Variants in BMAL1 observed in about 807,000 individuals in gnomAD.
The protein encoded by BMAL1 is basic helix-loop-helix ARNT like 1, also known as basic helix-loop-helix ARNT-like protein 1.
the BMAL1 span, chr11:13,374,115 A>T: frequency 6.2e-7 from 1 of 1,613,660 alleles, no homozygotes; most frequent in African/African-American, 1.3e-5. Context: ...ATTTTGGCAT[A>T]TTTACCACAA....
the BMAL1 span, among the ~76,000 whole-genome samples, chr11:13,351,519 G>A: frequency 6.6e-6 from 1 of 152,198 alleles, no homozygotes; most frequent in Non-Finnish European, 1.5e-5. Context: ...TTTGGGAATT[G>A]TTGCAGTGTT....
At chr11:13,360,321 A>G in the BMAL1 span, 22 of 1,596,184 alleles carry the variant, frequency 1.4e-5, no homozygotes, top group East Asian at 4.5e-5. Context: ...AAGTATACCA[A>G]TTCTTTCTCT....
the BMAL1 span, among the ~76,000 whole-genome samples, chr11:13,348,566 T>C: frequency 6.6e-6 from 1 of 151,970 alleles, no homozygotes. Flanking sequence ...GGGTAGGTTC[T>C]GGGTTGCTAA....
At chr11:13,358,339 A>G in the BMAL1 span, 1 of 1,311,594 alleles carries the variant, frequency 7.6e-7, no homozygotes. Context: ...TTGTCAGATG[A>G]ACATTGAAAA....
chr11:13,305,936 A>T, the BMAL1 span, among the ~76,000 whole-genome samples: 5 of 152,296 alleles, frequency 3.3e-5, no homozygotes, highest in East Asian at 9.6e-4. Context: ...CTCAGTTCCA[A>T]GTCTGAGCTA....
At chr11:13,374,321 CTT>C in the BMAL1 span, 1 of 854,520 alleles carries the variant, frequency 1.2e-6, no homozygotes, top group African/African-American at 1.7e-5. Context: ...GCCTAGGACT[CTT>C]CAGGTCAGAA....
the BMAL1 span, chr11:13,366,559 T>C: frequency 9.8e-7 from 1 of 1,022,924 alleles, no homozygotes; most frequent in Non-Finnish European, 1.5e-6. Flanking sequence ...TGAGGTCTCA[T>C]GCACAAAAAC....
chr11:13,278,124 G>A, the BMAL1 span, among the ~76,000 whole-genome samples: 6 of 152,062 alleles, frequency 3.9e-5, no homozygotes, highest in Non-Finnish European at 8.8e-5. Flanking sequence ...GGGAGGCTGC[G>A]CCCCTTAAAG....
At chr11:13,366,446 T>C in the BMAL1 span, among the ~76,000 whole-genome samples, 1 of 152,160 alleles carries the variant, frequency 6.6e-6, no homozygotes, top group African/African-American at 2.4e-5. Flanking sequence ...TTTATATAAT[T>C]GAGGGTTTTC....
the BMAL1 span, chr11:13,379,517 T>C: frequency 6.6e-6 from 1 of 152,232 alleles, no homozygotes. Flanking sequence ...TCAAACCCTA[T>C]ACTTTGCATT....
the BMAL1 span, among the ~76,000 whole-genome samples, chr11:13,285,012 C>T: frequency 1.4e-3 from 214 of 152,272 alleles, 1 homozygote; most frequent in African/African-American, 5.0e-3. Context: ...CTCTGGCTAG[C>T]GGGGTCTTTG....
chr11:13,340,464 C>T, the BMAL1 span, among the ~76,000 whole-genome samples: 1 of 152,234 alleles, frequency 6.6e-6, no homozygotes, highest in East Asian at 1.9e-4. Context: ...AAGCTTCTCA[C>T]AGGAGGAGTT....
At chr11:13,297,600 A>T in the BMAL1 span, among the ~76,000 whole-genome samples, 1 of 152,098 alleles carries the variant, frequency 6.6e-6, no homozygotes, top group Non-Finnish European at 1.5e-5. Context: ...TGCCCTTGCC[A>T]TGTGTCCCCA....
chr11:13,376,567 C>G, the BMAL1 span: 1 of 1,484,968 alleles, frequency 6.7e-7, no homozygotes, highest in Admixed American at 1.7e-5. Flanking sequence ...CACCGGACAC[C>G]TTGGCCAAGT....
chr11:13,299,369 A>AGGC, the BMAL1 span, among the ~76,000 whole-genome samples: 1 of 152,068 alleles, frequency 6.6e-6, no homozygotes, highest in South Asian at 2.1e-4. Flanking sequence ...GCAGGAGAAA[A>AGGC]GGCTTGAGCT....
the BMAL1 span, among the ~76,000 whole-genome samples, chr11:13,292,165 T>C: frequency 6.6e-6 from 1 of 152,188 alleles, no homozygotes; most frequent in Non-Finnish European, 1.5e-5. Flanking sequence ...AAGCATAAAT[T>C]GTCTTTGAGA....
the BMAL1 span, among the ~76,000 whole-genome samples, chr11:13,282,934 C>T: frequency 1.3e-5 from 2 of 152,110 alleles, no homozygotes; most frequent in African/African-American, 4.8e-5. Flanking sequence ...ATGCACACTG[C>T]ATAGAGGTGG....
chr11:13,308,857 A>G, the BMAL1 span, among the ~76,000 whole-genome samples: 2 of 152,158 alleles, frequency 1.3e-5, no homozygotes, highest in Non-Finnish European at 2.9e-5. Flanking sequence ...ATTCATTCAT[A>G]CCTTCATTCA....
At chr11:13,289,075 A>G in the BMAL1 span, among the ~76,000 whole-genome samples, 3 of 152,200 alleles carry the variant, frequency 2.0e-5, no homozygotes, top group East Asian at 5.8e-4. Context: ...TAATGTCTCA[A>G]ACTGAGCCTG....
Sources: allele counts gnomAD v4.1 joint callset (sites outside exome capture counted in the v4.1 genomes callset), GRCh38; gene constraint gnomAD v4.1.1; transcripts MANE v1.5; gene names NCBI Gene and HGNC (gene_info 2026-07-23, HGNC 2026-07-21).